Variants in ENTREP2 observed in about 807,000 individuals in gnomAD.
ENTREP2 encodes the protein endosomal transmembrane epsin interactor 2.
chr15:29,203,745 C>T, the ENTREP2 span, among the ~76,000 whole-genome samples: 1 of 152,186 alleles, frequency 6.6e-6, no homozygotes, highest in Non-Finnish European at 1.5e-5. Flanking sequence ...TCCTCTTTGG[C>T]TTCAACTGTT....
the ENTREP2 span, among the ~76,000 whole-genome samples, chr15:29,259,647 C>T: frequency 6.6e-6 from 1 of 152,070 alleles, no homozygotes; most frequent in East Asian, 1.9e-4. Flanking sequence ...CTACACCCTG[C>T]TCACCCTCCC....
At chr15:29,458,810 C>T in the ENTREP2 span, among the ~76,000 whole-genome samples, 1 of 152,242 alleles carries the variant, frequency 6.6e-6, no homozygotes. Context: ...TACGTCTCCT[C>T]TGACTCTTCA....
the ENTREP2 span, among the ~76,000 whole-genome samples, chr15:29,387,107 C>T: frequency 6.6e-6 from 1 of 152,124 alleles, no homozygotes; most frequent in Admixed American, 6.6e-5. Context: ...CCAGTTTTTG[C>T]CCATTCAGTA....
the ENTREP2 span, among the ~76,000 whole-genome samples, chr15:29,621,588 C>CAA: frequency 0.022 from 1,293 of 58,816 alleles, 32 homozygotes; most frequent in African/African-American, 0.038. Context: ...TGGCCACTAT[C>CAA]AAAAAAAAAA....
At chr15:29,340,827 C>T in the ENTREP2 span, among the ~76,000 whole-genome samples, 3 of 152,234 alleles carry the variant, frequency 2.0e-5, no homozygotes, top group African/African-American at 2.4e-5. Flanking sequence ...AAGAAGCATC[C>T]GTGCCATTTC....
At chr15:29,547,763 G>A in the ENTREP2 span, among the ~76,000 whole-genome samples, 65,293 of 151,864 alleles carry the variant, frequency 0.43, 14,688 homozygotes, top group African/African-American at 0.58. Flanking sequence ...AATGGAAATC[G>A]GGGTCCAAGA....
the ENTREP2 span, among the ~76,000 whole-genome samples, chr15:29,633,820 G>T: frequency 6.6e-6 from 1 of 152,244 alleles, no homozygotes; most frequent in African/African-American, 2.4e-5. Flanking sequence ...TTCACTGGGC[G>T]TGGTGACGGG....
the ENTREP2 span, among the ~76,000 whole-genome samples, chr15:29,664,094 A>G: frequency 2.0e-5 from 3 of 151,938 alleles, no homozygotes; most frequent in South Asian, 6.2e-4. Context: ...TGCTCCCAGC[A>G]TATATTACAA....
chr15:29,218,067 C>T, the ENTREP2 span, among the ~76,000 whole-genome samples: 2 of 152,166 alleles, frequency 1.3e-5, no homozygotes, highest in African/African-American at 4.8e-5. Flanking sequence ...GGCTGGTACT[C>T]AGGGTGGTCT....
At chr15:29,470,809 C>A in the ENTREP2 span, among the ~76,000 whole-genome samples, 4 of 152,178 alleles carry the variant, frequency 2.6e-5, no homozygotes, top group Non-Finnish European at 4.4e-5. Context: ...GATTCTCTTC[C>A]TAGATTAATT....
chr15:29,560,499 A>G, the ENTREP2 span, among the ~76,000 whole-genome samples: 1 of 152,094 alleles, frequency 6.6e-6, no homozygotes, highest in Non-Finnish European at 1.5e-5. Context: ...CCCATCTCTC[A>G]GTGTCAGCCC....
At chr15:29,123,074 G>C in the ENTREP2 span, 2 of 447,196 alleles carry the variant, frequency 4.5e-6, no homozygotes, top group Non-Finnish European at 8.0e-6. Flanking sequence ...TAAAACCAGA[G>C]AGTTCACTGT....
At chr15:29,135,398 A>G in the ENTREP2 span, among the ~76,000 whole-genome samples, 2 of 152,134 alleles carry the variant, frequency 1.3e-5, no homozygotes, top group Non-Finnish European at 2.9e-5. The surrounding 1 kb of genome is among the most constrained non-coding windows in gnomAD (Gnocchi z 7.4). Flanking sequence ...GTCTATTTAC[A>G]TAACCCCATG....
At chr15:29,643,041 G>A in the ENTREP2 span, among the ~76,000 whole-genome samples, 6 of 152,110 alleles carry the variant, frequency 3.9e-5, no homozygotes, top group Non-Finnish European at 5.9e-5. Context: ...AGACCTAAAC[G>A]TAAGAGCTAA....
the ENTREP2 span, among the ~76,000 whole-genome samples, chr15:29,642,457 C>T: frequency 6.7e-6 from 1 of 148,410 alleles, no homozygotes; most frequent in Non-Finnish European, 1.5e-5. Context: ...TATATACACA[C>T]ACACATATAT....
At chr15:29,269,677 C>T in the ENTREP2 span, 3 of 1,556,788 alleles carry the variant, frequency 1.9e-6, no homozygotes, top group Admixed American at 3.9e-5. Flanking sequence ...GCCGCCAGAG[C>T]GGCCCCGGTT....
At chr15:29,292,302 TTC>T in the ENTREP2 span, among the ~76,000 whole-genome samples, 3 of 152,112 alleles carry the variant, frequency 2.0e-5, no homozygotes, top group Admixed American at 6.6e-5. Flanking sequence ...TTCCTTCTTT[TTC>T]TCTTTCTTCA....
At chr15:29,245,300 C>T in the ENTREP2 span, among the ~76,000 whole-genome samples, 1 of 151,932 alleles carries the variant, frequency 6.6e-6, no homozygotes, top group Admixed American at 6.5e-5. Flanking sequence ...AGTGTAGTAA[C>T]ATTTATAACA....
chr15:29,659,802 A>AT, the ENTREP2 span, among the ~76,000 whole-genome samples: 16,591 of 147,102 alleles, frequency 0.11, 1,574 homozygotes, highest in African/African-American at 0.26. Flanking sequence ...ATGCCACTAT[A>AT]TTTTTTTTTT....
Sources: gnomAD v4.1 joint callset for allele counts (sites outside exome capture counted in the v4.1 genomes callset) on GRCh38, gnomAD v4.1.1 for gene constraint, Gnocchi (gnomAD v3.1) non-coding constraint, MANE v1.5 for transcripts, NCBI Gene and HGNC (gene_info 2026-07-23, HGNC 2026-07-21) for gene names.